The following RYR1 variants were observed in gnomAD, a reference collection of about 807,000 sequenced individuals.
The protein encoded by RYR1 is ryanodine receptor 1.
RYR1 carries 342 observed loss-of-function variants against 583.5 expected under a neutral mutation model. The ratio of observed to expected loss-of-function variants is 0.59; its 90% confidence interval spans 0.54 to 0.64. RYR1 has a LOEUF of 0.64. Among genes scored for constraint, RYR1 ranks in the 30% least tolerant of loss-of-function variants. The pLI is 0.00. For missense variants in RYR1, 6,032 were observed against 6,917.2 expected (o/e 0.87, Z 4.54); for synonymous variants, 2,791 against 2,822.5 (o/e 0.99, Z 0.35).
rs532093556 is a variant in RYR1, at chr19:38,515,973, T to G, written c.9555-114T>G. On this transcript the variant is annotated intron_variant, in intron 64 of 105. Coordinates refer to ENST00000359596, the MANE Select transcript of RYR1 (RefSeq NM_000540.3). ...AAAACAAGTGGCACACATGGATGAA[T>G]GGCAGCTCTGTCCCAAAGGGTTCTG... 6.2e-5 allele frequency: 80 copies of G among 1,288,182 alleles called. No homozygotes were observed. In the South Asian group the frequency reaches 1.2e-3, roughly 19 times the overall value. 79.8% of individuals were successfully genotyped at this position (1,288,182 alleles called of 1,614,324 possible).
Position 38,561,471 on chromosome 19 carries a change from G to A in RYR1, c.12624+17G>A, listed in dbSNP as rs767131597. ...ATGCCCCAGGTCAGGGAACCCGCGC[G>A]CGTGCAAGCTCGCCTCCTGGGGCTT... is the stretch of plus-strand genomic sequence containing the variant. On this transcript the variant is annotated intron_variant, in intron 90 of 105. Coordinates refer to ENST00000359596, the MANE Select transcript of RYR1 (RefSeq NM_000540.3). This position sits in a 1 kb window ranked among gnomAD's most constrained non-coding sequence, Gnocchi z 4.8. The A allele has an allele frequency of 5.6e-6, 9 of 1,599,180 alleles. No individual in the cohort carries two copies. Among genetic ancestry groups the A allele is most frequent in the Non-Finnish European group, 7.7e-6 (9 of 1,175,358 alleles).
At chr19:38,548,143 T>C in intron 88 of RYR1, 90 bp from the exon 89 acceptor site, 1 of 1,395,050 alleles carries the variant, frequency 7.2e-7, no homozygotes, top group Non-Finnish European at 1.0e-6. Context: ...TCCAGCAGCG[T>C]GGTGGCTCCT....
At chr19:38,528,545 T>G in intron 74 of RYR1, 54 bp from the exon 75 acceptor site, 1 of 1,603,342 alleles carries the variant, frequency 6.2e-7, no homozygotes, top group Admixed American at 1.7e-5. Flanking sequence ...GCATGGGAGG[T>G]CGGGAAGCAC....
chr19:38,469,209 T>G, intron 26 of RYR1, 69 bp downstream of exon 26: 1 of 1,608,110 alleles, frequency 6.2e-7, no homozygotes, highest in Non-Finnish European at 8.5e-7. Flanking sequence ...TGCACTGCCC[T>G]TCTGCCTCCA....
intron 89 of RYR1, among the ~76,000 whole-genome samples, chr19:38,556,559 GTTTA>G (rs1346606232): frequency 2.6e-5 from 4 of 151,798 alleles, no homozygotes; most frequent in African/African-American, 4.8e-5. Flanking sequence ...AATCAATCCT[GTTTA>G]TTTATTTATA....
Position 38,578,016 on chromosome 19 carries a change from C to G in RYR1, c.14271C>G (p.Arg4757=). The G allele has an allele frequency of 1.9e-6, 3 of 1,614,148 alleles. No homozygotes were observed. ...TAGAGATCACAGCCCACAATGAGCG[C>G]AAGCCCAACCCGCCGCCAGGGCTGC... is the stretch of plus-strand genomic sequence containing the variant. ...ATLEITAHNE[R]KPNPPPGLLT... The change falls in exon 98 of 106, where the codon CGC becomes CGG. Residue 4757 remains arginine, a synonymous_variant. Transcript: ENST00000359596.
Position 38,537,921 on chromosome 19 carries a change from T to C in RYR1, c.11650T>C (p.Phe3884Leu). The part of the protein sequence containing the change: ...MADDEFTQDL[F>L]RFLQLLCEGH... ...GGATGATGAATTCACACAAGACCTG[T>C]TCCGATTCCTACAATTGCTCTGTGA... Residue 3884 changes from phenylalanine (F) to leucine (L), a missense_variant, in exon 84 of 106, where the codon TTC (phenylalanine) becomes CTC (leucine). Coordinates refer to ENST00000359596, the MANE Select transcript of RYR1 (RefSeq NM_000540.3). 1.2e-6 allele frequency: 2 copies of C among 1,614,118 alleles called. No homozygotes were observed. The highest frequency in any genetic ancestry group is 1.7e-6 in the Non-Finnish European group (2 of 1,180,028).
intron 94 of RYR1, among the ~76,000 whole-genome samples, chr19:38,571,703 A>AG (rs1178903304): frequency 4.6e-5 from 7 of 152,322 alleles, no homozygotes; most frequent in African/African-American, 1.7e-4. Flanking sequence ...GGCATATAAA[A>AG]AGCACTGTGT....
rs577797117 is a variant in RYR1 at position 38,492,976 on chromosome 19, C to A, written c.6274+340C>A. Among the ~76,000 whole-genome samples the A allele has an allele frequency of 2.4e-4, 37 of 151,916 alleles. 2 individuals carry two copies. The highest frequency in any genetic ancestry group is 8.5e-4 in the African/African-American group (35 of 41,414). ...TCCCAGCTACTTGGAGACTGAGGCA[C>A]GAGAATTGCTTGAATGCAGGAGGTG... On this transcript the variant is annotated intron_variant, in intron 38 of 105. Coordinates refer to ENST00000359596, the MANE Select transcript of RYR1 (RefSeq NM_000540.3).
At chr19:38,559,225 CTTCT>C in intron 89 of RYR1, among the ~76,000 whole-genome samples, 1 of 140,332 alleles carries the variant, frequency 7.1e-6, no homozygotes, top group Non-Finnish European at 1.5e-5. Context: ...GAGAGGTGGG[CTTCT>C]TTTTTTTTTT....
At chr19:38,531,538 A>G (rs1169874428) in intron 76 of RYR1, among the ~76,000 whole-genome samples, 2 of 151,938 alleles carry the variant, frequency 1.3e-5, no homozygotes, top group East Asian at 3.9e-4. Flanking sequence ...TATTGAGCTG[A>G]CAGGTGGCAA....
intron 105 of RYR1, among the ~76,000 whole-genome samples, chr19:38,587,119 G>T (rs1974527765): frequency 6.6e-6 from 1 of 151,988 alleles, no homozygotes; most frequent in African/African-American, 2.4e-5. Context: ...AATTAGCCAG[G>T]GGTGGTGGTG....
At chr19:38,447,649 C>T (rs1300333725) in intron 9 of RYR1, among the ~76,000 whole-genome samples, 1 of 151,794 alleles carries the variant, frequency 6.6e-6, no homozygotes, top group African/African-American at 2.4e-5. Context: ...CAAGACCAGC[C>T]TGGCCAACAT....
At position 38,500,859 on chromosome 19, in the gene RYR1, G is replaced by A. The variant is rs200291321; in HGVS notation, c.7483G>A (p.Val2495Met). ...GCAGCCAAAGATGTCAGCATCCTTCGTGCCGGACCACAAGGCGTCCATGGT... is the reference window on the plus strand; with the variant it reads ...GCAGCCAAAGATGTCAGCATCCTTCATGCCGGACCACAAGGCGTCCATGGT... The part of the protein sequence containing the change: ...LVQPKMSASF[V>M]PDHKASMVLF... Residue 2495 changes from valine to methionine, a missense_variant, in exon 47 of 106, where the codon GTG becomes ATG. Around this residue, in one of 11 missense-constraint regions of RYR1, gnomAD observed 2,627 missense variants for 2,961.3 expected, o/e 0.89. Coordinates refer to ENST00000359596, the MANE Select transcript of RYR1 (RefSeq NM_000540.3). The surrounding 1 kb of genome is among the most constrained non-coding windows in gnomAD (Gnocchi z 5.9). 11 of 1,613,902 alleles carry A rather than the reference G, an allele frequency of 6.8e-6. No individual in the cohort carries two copies. The highest frequency in any genetic ancestry group is 6.7e-5 in the Admixed American group (4 of 59,990).
intron 67 of RYR1, among the ~76,000 whole-genome samples, chr19:38,520,221 C>A (rs1222436205): frequency 6.6e-6 from 1 of 151,584 alleles, no homozygotes; most frequent in Non-Finnish European, 1.5e-5. Flanking sequence ...TATAGACTCA[C>A]ACCAACATGC....
Position 38,565,009 on chromosome 19 carries a change from C to T in RYR1, c.12675C>T (p.Gly4225=), listed in dbSNP as rs1394594197. The part of the protein sequence containing the change: ...QFIFDVVNEG[G]EAEKMELFVS... ...TCTTCGACGTGGTGAACGAGGGCGGCGAGGCTGAGAAGATGGAGCTCTTCG... is the reference window on the plus strand; with the variant it reads ...TCTTCGACGTGGTGAACGAGGGCGGTGAGGCTGAGAAGATGGAGCTCTTCG... The change falls in exon 91 of 106, where the codon GGC becomes GGT. Residue 4225 remains glycine (G), a synonymous_variant. Coordinates refer to ENST00000359596, the MANE Select transcript of RYR1 (RefSeq NM_000540.3). This position sits in a 1 kb window ranked among gnomAD's most constrained non-coding sequence, Gnocchi z 4.7. 1.3e-6 allele frequency: 2 copies of T among 1,592,378 alleles called. No individual in the cohort carries two copies. Among genetic ancestry groups the T allele is most frequent in the South Asian group, 1.1e-5 (1 of 87,286 alleles).
chr19:38,576,785 G>A (rs542266037), intron 97 of RYR1, among the ~76,000 whole-genome samples: 15 of 152,156 alleles, frequency 9.9e-5, no homozygotes, highest in Non-Finnish European at 2.1e-4. Flanking sequence ...GGGTGACAGA[G>A]CGAGACTCCG....
chr19:38,545,767 C>T (rs997590910), intron 87 of RYR1, among the ~76,000 whole-genome samples: 5 of 152,114 alleles, frequency 3.3e-5, no homozygotes, highest in Admixed American at 2.0e-4. Flanking sequence ...GCCGAGATTG[C>T]GCCATTACAT....
chr19:38,506,935 T>A lies in RYR1; in HGVS notation c.8799T>A (p.Asn2933Lys). Residue 2933 changes from asparagine to lysine, a missense_variant, in exon 57 of 106, where the codon AAT (asparagine) becomes AAA (lysine). Asn to Lys is a moderately conservative substitution (Grantham distance 94). Transcript: ENST00000359596. ...AQELLKFLQM[N>K]GYAVTRGLKD... ...AGCTACTGAAATTCCTGCAGATGAATGGCTACGCGGTTACAAGGCACGCGG... is the reference window on the plus strand; with the variant it reads ...AGCTACTGAAATTCCTGCAGATGAAAGGCTACGCGGTTACAAGGCACGCGG... 1.9e-6 allele frequency: 3 copies of A among 1,612,600 alleles called. No homozygotes were observed. The highest frequency in any genetic ancestry group is 2.5e-6 in the Non-Finnish European group (3 of 1,179,974).
Sources: allele counts gnomAD v4.1 joint callset (sites outside exome capture counted in the v4.1 genomes callset), GRCh38; gene constraint gnomAD v4.1.1; regional missense constraint gnomAD v4.1.1; non-coding constraint Gnocchi (gnomAD v3.1); transcripts MANE v1.5; gene names NCBI Gene and HGNC (gene_info 2026-07-23, HGNC 2026-07-21).